ZNF385D: variants seen among roughly 807,000 people sequenced by gnomAD.
ZNF385D encodes zinc finger protein 659.
A neutral mutation model predicts 35.8 loss-of-function variants in ZNF385D; 15 were observed. That is an observed-to-expected ratio of 0.42 (90% CI 0.28 to 0.64). ZNF385D has a LOEUF of 0.64. ZNF385D is among the 30% of genes least tolerant of loss of function. The pLI is 0.23. For missense variants in ZNF385D, 474 were observed against 494.6 expected (o/e 0.96, Z 0.39); for synonymous variants, 212 against 186.8 (o/e 1.13, Z -1.10).
intron 1 of ZNF385D, among the ~76,000 whole-genome samples, chr3:21,681,307 A>G (rs974140834): frequency 6.8e-6 from 1 of 146,866 alleles, no homozygotes; most frequent in African/African-American, 2.6e-5. Context: ...GTAAAAAAAA[A>G]AAAAAAAAAA....
intron 2 of ZNF385D, among the ~76,000 whole-genome samples, chr3:22,328,419 A>G (rs931877024): frequency 1.3e-5 from 2 of 152,172 alleles, no homozygotes; most frequent in Admixed American, 6.5e-5. Flanking sequence ...TATACATTGA[A>G]CACCTGCATT....
At chr3:22,032,826 A>C (rs1347483657) in intron 3 of ZNF385D, among the ~76,000 whole-genome samples, 2 of 152,174 alleles carry the variant, frequency 1.3e-5, no homozygotes, top group Admixed American at 1.3e-4. Flanking sequence ...TAGATGTATT[A>C]ATTTTAACCT....
intron 1 of ZNF385D, among the ~76,000 whole-genome samples, chr3:21,680,866 C>T (rs1385445633): frequency 6.6e-6 from 1 of 152,088 alleles, no homozygotes; most frequent in Admixed American, 6.6e-5. Context: ...CTACACAGTT[C>T]AGCATAGAAA....
chr3:21,626,159 A>G (rs2065128436), intron 2 of ZNF385D, among the ~76,000 whole-genome samples: 1 of 152,098 alleles, frequency 6.6e-6, no homozygotes, highest in Admixed American at 6.6e-5. Flanking sequence ...AGTAAACTAT[A>G]AGAATTCTGA....
At position 22,004,373 on chromosome 3, in the gene ZNF385D, A is replaced by G. The variant is rs530957983; in HGVS notation, c.325+164444T>C. Among the ~76,000 whole-genome samples the G allele has an allele frequency of 2.9e-5, 4 of 138,868 alleles. No individual in the cohort carries two copies. In the South Asian group the frequency reaches 1.0e-3, roughly 36 times the overall value. The allele number at this position is 138,868 out of a possible 152,430, so 91.1% of individuals were successfully genotyped here. The stretch of plus-strand genomic sequence containing the variant: ...AATGCTGCAGGACATTGGTCTAAAC[A>G]AAAGTATTATGGCCTAGACTTCAAA... On this transcript the variant is annotated intron_variant, in intron 3 of 5. Transcript: ENST00000494108.
intron 2 of ZNF385D, among the ~76,000 whole-genome samples, chr3:22,305,335 T>C (rs1208784966): frequency 6.6e-6 from 1 of 152,194 alleles, no homozygotes; most frequent in Non-Finnish European, 1.5e-5. Flanking sequence ...AATTCTTTAT[T>C]TAAATTCACT....
At chr3:22,020,312 T>C (rs1697147538) in intron 3 of ZNF385D, among the ~76,000 whole-genome samples, 1 of 151,970 alleles carries the variant, frequency 6.6e-6, no homozygotes, top group Non-Finnish European at 1.5e-5. Flanking sequence ...TGTATAGATT[T>C]CAAGTATGTT....
chr3:22,343,903 C>A (rs1243916299), intron 2 of ZNF385D, among the ~76,000 whole-genome samples: 3 of 152,046 alleles, frequency 2.0e-5, no homozygotes, highest in Non-Finnish European at 4.4e-5. Context: ...GCTGTACCCC[C>A]AGCATATTTA....
intron 3 of ZNF385D, among the ~76,000 whole-genome samples, chr3:21,946,659 C>G (rs186303557): frequency 6.6e-6 from 1 of 152,116 alleles, no homozygotes; most frequent in East Asian, 1.9e-4. Flanking sequence ...AGGTGAAACT[C>G]CGTCTCTATT....
intron 3 of ZNF385D, among the ~76,000 whole-genome samples, chr3:21,794,241 A>G (rs1317253957): frequency 2.6e-5 from 4 of 152,018 alleles, no homozygotes; most frequent in African/African-American, 9.7e-5. Flanking sequence ...GAGAATTAAA[A>G]GAGAAGAAAA....
At chr3:22,029,909 C>T (rs259442) in intron 3 of ZNF385D, among the ~76,000 whole-genome samples, 1 of 151,702 alleles carries the variant, frequency 6.6e-6, no homozygotes, top group Non-Finnish European at 1.5e-5. Flanking sequence ...TTGGATTGAA[C>T]GATATACAAA....
chr3:22,107,228 G>C (rs923045495), intron 3 of ZNF385D, among the ~76,000 whole-genome samples: 1 of 151,840 alleles, frequency 6.6e-6, no homozygotes, highest in South Asian at 2.1e-4. Flanking sequence ...TCTCCATGTT[G>C]TTCAGGCTGG....
At chr3:21,831,998 A>G (rs1207471028) in intron 3 of ZNF385D, among the ~76,000 whole-genome samples, 3 of 152,194 alleles carry the variant, frequency 2.0e-5, no homozygotes, top group African/African-American at 7.2e-5. Context: ...CTATCCCTTT[A>G]ATTAGCTTGC....
At chr3:21,430,650 G>A (rs552393280) in intron 5 of ZNF385D, among the ~76,000 whole-genome samples, 78 of 152,196 alleles carry the variant, frequency 5.1e-4, no homozygotes, top group Non-Finnish European at 1.0e-3. Flanking sequence ...CCCTGAAAGT[G>A]TGACTATAGA....
At chr3:21,684,398 CTCTCTCCT>C (rs1391324545) in intron 1 of ZNF385D, among the ~76,000 whole-genome samples, 15 of 82,792 alleles carry the variant, frequency 1.8e-4, no homozygotes, top group African/African-American at 8.2e-4. Flanking sequence ...CTCTCTCTCT[CTCTCTCCT>C]CTCTCTCTCT....
chr3:22,112,173 A>G (rs1702570277), intron 3 of ZNF385D, among the ~76,000 whole-genome samples: 1 of 152,190 alleles, frequency 6.6e-6, no homozygotes, highest in South Asian at 2.1e-4. Context: ...TGTTAAGACT[A>G]TTGTTTAGCA....
At chr3:22,167,200 T>C (rs1218805729) in intron 3 of ZNF385D, among the ~76,000 whole-genome samples, 1 of 152,208 alleles carries the variant, frequency 6.6e-6, no homozygotes, top group African/African-American at 2.4e-5. Context: ...TTTCCTCTGA[T>C]TGATCCCCAC....
chr3:21,853,792 G>A (rs1400369457), intron 3 of ZNF385D, among the ~76,000 whole-genome samples: 2 of 151,660 alleles, frequency 1.3e-5, no homozygotes, highest in Non-Finnish European at 3.0e-5. Context: ...AGGATTAACT[G>A]AAAATATGAC....
intron 2 of ZNF385D, among the ~76,000 whole-genome samples, chr3:22,280,801 G>A (rs1030281145): frequency 1.3e-5 from 2 of 152,014 alleles, no homozygotes; most frequent in African/African-American, 4.8e-5. Flanking sequence ...GTTCTTTGAG[G>A]AATGATTGCG....
Sources: gnomAD v4.1 joint callset for allele counts (sites outside exome capture counted in the v4.1 genomes callset) on GRCh38, gnomAD v4.1.1 for gene constraint, MANE v1.5 for transcripts, NCBI Gene and HGNC (gene_info 2026-07-23, HGNC 2026-07-21) for gene names.